The following ANTXR1 variants were observed in gnomAD, a reference collection of about 807,000 sequenced individuals.
ANTXR1 encodes ANTXR cell adhesion molecule 1.
In ANTXR1, 19 loss-of-function variants were observed where a neutral mutation model predicts 78.1. The observed-to-expected ratio is 0.24, with a 90% CI of 0.17 to 0.36. The LOEUF (loss-of-function observed/expected upper bound fraction) is 0.36, where lower values mean the gene tolerates loss of function less well. Among genes scored for constraint, ANTXR1 ranks in the 10% least tolerant of loss-of-function variants. The pLI is 1.00. For missense variants in ANTXR1, 518 were observed against 718.6 expected (o/e 0.72, Z 3.19); for synonymous variants, 273 against 260.5 (o/e 1.05, Z -0.46).
chr2:69,203,831 C>T (rs1674832203), intron 17 of ANTXR1, among the ~76,000 whole-genome samples: 1 of 152,138 alleles, frequency 6.6e-6, no homozygotes, highest in Admixed American at 6.5e-5. Context: ...CAGATTGTCT[C>T]ATCTCCCAAA....
intron 17 of ANTXR1, among the ~76,000 whole-genome samples, chr2:69,205,659 G>A (rs1674881733): frequency 6.6e-6 from 1 of 150,582 alleles, no homozygotes; most frequent in African/African-American, 2.5e-5. Flanking sequence ...CCTTGTCCCA[G>A]GGAGTATGGT....
chr2:69,155,164 A>G (rs138376985), intron 13 of ANTXR1, among the ~76,000 whole-genome samples: 2 of 152,310 alleles, frequency 1.3e-5, no homozygotes, highest in Non-Finnish European at 2.9e-5. Context: ...TGGAACCTGA[A>G]TTAACTTGTT....
chr2:69,067,136 G>A (rs1324392906), intron 3 of ANTXR1, among the ~76,000 whole-genome samples: 4 of 152,070 alleles, frequency 2.6e-5, no homozygotes, highest in Non-Finnish European at 5.9e-5. Flanking sequence ...CCTTCAAGAA[G>A]GGCAGAGAGT....
chr2:69,129,466 A>G (rs35233386), intron 12 of ANTXR1, among the ~76,000 whole-genome samples: 17,127 of 152,176 alleles, frequency 0.11, 1,509 homozygotes, highest in East Asian at 0.33. Context: ...AAAAGAGTGT[A>G]TAATAGGCCG....
chr2:69,034,670 G>GA (rs1320958077), intron 1 of ANTXR1, among the ~76,000 whole-genome samples: 1 of 151,952 alleles, frequency 6.6e-6, no homozygotes, highest in Admixed American at 6.6e-5. Context: ...GGCAGTTCTG[G>GA]AAAAAAAATC....
At chr2:69,127,674 A>G (rs1672583462) in intron 12 of ANTXR1, among the ~76,000 whole-genome samples, 1 of 152,120 alleles carries the variant, frequency 6.6e-6, no homozygotes, top group Admixed American at 6.5e-5. Flanking sequence ...GGGGAGGGCA[A>G]TGGAGGTGGA....
At chr2:69,243,553 A>G (rs1422920324) in intron 17 of ANTXR1, among the ~76,000 whole-genome samples, 2 of 152,206 alleles carry the variant, frequency 1.3e-5, no homozygotes, top group Admixed American at 1.3e-4. Flanking sequence ...AGGTTTGCTC[A>G]GCATGTGGCT....
intron 10 of ANTXR1, among the ~76,000 whole-genome samples, chr2:69,110,969 A>G (rs774687447): frequency 5.9e-5 from 9 of 152,206 alleles, no homozygotes; most frequent in Non-Finnish European, 1.3e-4. Context: ...GTTAACAGCC[A>G]TCACCTCTGA....
intron 3 of ANTXR1, among the ~76,000 whole-genome samples, chr2:69,051,948 CATTT>C (rs1669944847): frequency 2.0e-5 from 3 of 151,862 alleles, no homozygotes; most frequent in South Asian, 2.1e-4. Flanking sequence ...CTTTTTCATT[CATTT>C]ATTTTTTACT....
At chr2:69,215,793 C>G (rs1254881582) in intron 17 of ANTXR1, among the ~76,000 whole-genome samples, 1 of 152,220 alleles carries the variant, frequency 6.6e-6, no homozygotes, top group East Asian at 1.9e-4. Flanking sequence ...TTAATGGAGG[C>G]TCTACTGACC....
At chr2:69,123,131 AGAG>A in intron 11 of ANTXR1, 45 bp downstream of exon 11, 2 of 1,590,826 alleles carry the variant, frequency 1.3e-6, no homozygotes, top group South Asian at 1.1e-5. Flanking sequence ...GGGAAGAGAG[AGAG>A]GAGGTGTACG....
chr2:69,118,841 T>C (rs953581272), intron 10 of ANTXR1, among the ~76,000 whole-genome samples: 1 of 152,024 alleles, frequency 6.6e-6, no homozygotes, highest in Non-Finnish European at 1.5e-5. Flanking sequence ...CCCTCCTTTG[T>C]TTAGAGAGAG....
intron 16 of ANTXR1, among the ~76,000 whole-genome samples, chr2:69,192,379 T>C (rs1293930270): frequency 6.6e-6 from 1 of 152,176 alleles, no homozygotes; most frequent in African/African-American, 2.4e-5. Flanking sequence ...CACTGGTTTA[T>C]GGCCGCCCTC....
At chr2:69,192,128 A>G (rs185389140) in intron 16 of ANTXR1, among the ~76,000 whole-genome samples, 16 of 152,368 alleles carry the variant, frequency 1.1e-4, no homozygotes, top group Admixed American at 9.8e-4. Context: ...GCAAATTAAC[A>G]TAGAATATAT....
At chr2:69,080,625 G>T (rs557810794) in intron 8 of ANTXR1, among the ~76,000 whole-genome samples, 3 of 152,186 alleles carry the variant, frequency 2.0e-5, no homozygotes, top group African/African-American at 7.2e-5. Context: ...TCCTGGTAGA[G>T]CTTACAATCC....
chr2:69,203,227 A>G (rs1674817358), intron 17 of ANTXR1, among the ~76,000 whole-genome samples: 1 of 152,226 alleles, frequency 6.6e-6, no homozygotes, highest in East Asian at 1.9e-4. Context: ...TTTTAAGAAA[A>G]AGGAAGAAAA....
At chr2:69,189,576 A>G (rs1674502818) in intron 16 of ANTXR1, among the ~76,000 whole-genome samples, 1 of 152,208 alleles carries the variant, frequency 6.6e-6, no homozygotes, top group East Asian at 1.9e-4. Flanking sequence ...CAATCAGGAA[A>G]CTATTCCCAG....
Position 69,013,599 on chromosome 2 carries a change from G to T in ANTXR1, c.100G>T (p.Asp34Tyr), listed in dbSNP as rs865863329. The T allele has an allele frequency of 6.4e-7, 1 of 1,562,530 alleles. No individual in the cohort carries two copies. Among genetic ancestry groups the T allele is most frequent in the East Asian group, 2.3e-5 (1 of 42,790 alleles). ...CGCCGGGCAAGGGGGACGCAGGGAGGATGGGGGTCCAGCCTGCTACGGCGG... is the reference window on the plus strand; with the variant it reads ...CGCCGGGCAAGGGGGACGCAGGGAGTATGGGGGTCCAGCCTGCTACGGCGG... Reference protein sequence around the residue: ...ICAGQGGRREDGGPACYGGFD... With the variant: ...ICAGQGGRREYGGPACYGGFD... The change falls in exon 1 of 18, where the codon GAT becomes TAT. Residue 34 changes from aspartate to tyrosine, a missense_variant. This residue lies in a region of ANTXR1 where 55 missense variants were observed against 52.5 expected (regional missense o/e 1.05). Coordinates refer to ENST00000303714, the MANE Select transcript of ANTXR1 (RefSeq NM_032208.3). This position sits in a 1 kb window ranked among gnomAD's most constrained non-coding sequence, Gnocchi z 5.0.
intron 13 of ANTXR1, among the ~76,000 whole-genome samples, chr2:69,156,292 T>G (rs1359013976): frequency 6.6e-6 from 1 of 152,140 alleles, no homozygotes; most frequent in Non-Finnish European, 1.5e-5. Context: ...CAGAAATCCT[T>G]GCACTCCAGC....
Sources: allele counts gnomAD v4.1 joint callset (sites outside exome capture counted in the v4.1 genomes callset), GRCh38; gene constraint gnomAD v4.1.1; regional missense constraint gnomAD v4.1.1; non-coding constraint Gnocchi (gnomAD v3.1); transcripts MANE v1.5; gene names NCBI Gene and HGNC (gene_info 2026-07-23, HGNC 2026-07-21).